Variants in CALN1 observed in about 807,000 individuals in gnomAD.
The protein encoded by CALN1 is calneuron 1.
Under a neutral mutation model 30.6 loss-of-function variants are expected in CALN1, and 17 were observed. The ratio of observed to expected loss-of-function variants is 0.56; its 90% CI spans 0.38 to 0.83. The LOEUF is 0.83. Among genes scored for constraint, CALN1 ranks in the 40% least tolerant of loss-of-function variants. The pLI is 0.00. For missense variants in CALN1, 291 were observed against 354.9 expected (o/e 0.82, Z 1.45); for synonymous variants, 156 against 131.4 (o/e 1.19, Z -1.28).
chr7:72,089,244 T>C (rs928995989), intron 4 of CALN1, among the ~76,000 whole-genome samples: 5 of 152,132 alleles, frequency 3.3e-5, no homozygotes, highest in African/African-American at 1.2e-4. Context: ...GTAACTGATA[T>C]TAGCTGTTAG....
intron 5 of CALN1, among the ~76,000 whole-genome samples, chr7:71,863,057 T>C (rs1347082607): frequency 2.0e-5 from 3 of 151,836 alleles, no homozygotes; most frequent in African/African-American, 4.8e-5. Context: ...GCTAGGAGTT[T>C]GAGACCAGCC....
intron 3 of CALN1, among the ~76,000 whole-genome samples, chr7:72,235,738 A>C (rs1226857261): frequency 6.8e-6 from 1 of 146,528 alleles, no homozygotes; most frequent in Non-Finnish European, 1.5e-5. Context: ...GTTGTTATTA[A>C]GCCTGTCAAT....
At chr7:72,349,478 T>C (rs1392159091) in intron 2 of CALN1, among the ~76,000 whole-genome samples, 1 of 151,930 alleles carries the variant, frequency 6.6e-6, no homozygotes, top group Admixed American at 6.6e-5. Flanking sequence ...ATCAAATTGC[T>C]GAAAACCAAT....
intron 3 of CALN1, among the ~76,000 whole-genome samples, chr7:72,209,219 T>C (rs1792155771): frequency 8.8e-6 from 1 of 113,586 alleles, no homozygotes; most frequent in East Asian, 3.2e-4. Flanking sequence ...CTTCCTTCCC[T>C]CCTTCCCTCT....
At chr7:72,361,971 A>T (rs1243420988) in intron 2 of CALN1, among the ~76,000 whole-genome samples, 3 of 152,130 alleles carry the variant, frequency 2.0e-5, no homozygotes, top group Admixed American at 2.0e-4. Context: ...TTTATTCATA[A>T]TTTTTTTAAT....
intron 2 of CALN1, among the ~76,000 whole-genome samples, chr7:72,322,517 C>T (rs1447011048): frequency 6.6e-6 from 1 of 152,102 alleles, no homozygotes; most frequent in Non-Finnish European, 1.5e-5. Flanking sequence ...GCTTCCAATT[C>T]TGACACTATA....
chr7:72,201,256 G>C (rs1238751774), intron 3 of CALN1, among the ~76,000 whole-genome samples: 1 of 152,136 alleles, frequency 6.6e-6, no homozygotes, highest in Non-Finnish European at 1.5e-5. Context: ...ATGGGAACAA[G>C]AGATACTGGA....
chr7:71,998,357 T>A (rs1181077749), intron 5 of CALN1, among the ~76,000 whole-genome samples: 1 of 152,044 alleles, frequency 6.6e-6, no homozygotes, highest in African/African-American at 2.4e-5. Context: ...CAATAGACTA[T>A]CCTTTTCCTT....
intron 5 of CALN1, among the ~76,000 whole-genome samples, chr7:71,879,843 C>T (rs114820642): frequency 6.6e-6 from 1 of 152,264 alleles, no homozygotes; most frequent in African/African-American, 2.4e-5. Flanking sequence ...AGGAGTTTCT[C>T]ACCACTGTGG....
At chr7:72,363,568 TTAC>T (rs1057437636) in intron 2 of CALN1, among the ~76,000 whole-genome samples, 3 of 140,458 alleles carry the variant, frequency 2.1e-5, no homozygotes, top group African/African-American at 8.9e-5. Context: ...GCACATAAAC[TTAC>T]TTTTTTTACA....
At chr7:72,239,374 C>T (rs986687332) in intron 3 of CALN1, among the ~76,000 whole-genome samples, 2 of 152,002 alleles carry the variant, frequency 1.3e-5, no homozygotes, top group African/African-American at 2.4e-5. Flanking sequence ...CCAGCCTGGA[C>T]AACAGAACAA....
At chr7:71,898,009 G>A (rs1793637139) in intron 5 of CALN1, among the ~76,000 whole-genome samples, 1 of 77,600 alleles carries the variant, frequency 1.3e-5, no homozygotes, top group South Asian at 4.5e-4. Context: ...GAGAGGGAGG[G>A]AGGGGGGGGG....
intron 3 of CALN1, among the ~76,000 whole-genome samples, chr7:72,172,871 CT>C (rs2129545554): frequency 6.6e-6 from 1 of 152,218 alleles, no homozygotes; most frequent in East Asian, 1.9e-4. Flanking sequence ...GACTTCCCCC[CT>C]AAAATTGGGG....
intron 5 of CALN1, among the ~76,000 whole-genome samples, chr7:71,831,404 C>T (rs934700072): frequency 6.6e-6 from 1 of 152,040 alleles, no homozygotes; most frequent in Non-Finnish European, 1.5e-5. Context: ...CGCTTGAACC[C>T]AGGAGGCAGA....
chr7:72,406,962 C>T (rs1212812240), intron 1 of CALN1, among the ~76,000 whole-genome samples: 1 of 152,140 alleles, frequency 6.6e-6, no homozygotes, highest in Admixed American at 6.6e-5. Flanking sequence ...CTTCCTTTAG[C>T]ACTGAAAATG....
intron 3 of CALN1, among the ~76,000 whole-genome samples, chr7:72,256,489 C>G (rs1050570272): frequency 6.6e-6 from 1 of 152,092 alleles, no homozygotes; most frequent in Non-Finnish European, 1.5e-5. Context: ...CATGCACACA[C>G]ACATACACAT....
chr7:72,302,206 T>C (rs1374964605), intron 2 of CALN1, among the ~76,000 whole-genome samples: 3 of 151,466 alleles, frequency 2.0e-5, no homozygotes, highest in Non-Finnish European at 4.4e-5. Flanking sequence ...CCAGAGCGGA[T>C]GAGATGAAGC....
chr7:71,825,054 C>T (rs1294355746), intron 5 of CALN1, among the ~76,000 whole-genome samples: 1 of 152,188 alleles, frequency 6.6e-6, no homozygotes, highest in Non-Finnish European at 1.5e-5. Flanking sequence ...CTTCTCCTTC[C>T]TCCTTGGTCC....
At chr7:72,313,779 T>C (rs759261575) in intron 2 of CALN1, among the ~76,000 whole-genome samples, 5 of 152,204 alleles carry the variant, frequency 3.3e-5, no homozygotes, top group Non-Finnish European at 5.9e-5. Flanking sequence ...CCCCTCTCTT[T>C]ACCTAAACAC....
Sources: gnomAD v4.1 joint callset for allele counts (sites outside exome capture counted in the v4.1 genomes callset) on GRCh38, gnomAD v4.1.1 for gene constraint, MANE v1.5 for transcripts, NCBI Gene and HGNC (gene_info 2026-07-23, HGNC 2026-07-21) for gene names.